MTHFD1L: variants seen among roughly 807,000 people sequenced by gnomAD.
The protein encoded by MTHFD1L is methylenetetrahydrofolate dehydrogenase (NADP+ dependent) 1 like.
Under a neutral mutation model 119.5 loss-of-function variants are expected in MTHFD1L, and 81 were observed. The observed-to-expected ratio is 0.68, with a 90% CI of 0.57 to 0.82. The LOEUF (loss-of-function observed/expected upper bound fraction) is 0.82, where lower values mean the gene tolerates loss of function less well. Ranked by LOEUF, MTHFD1L falls within the 40% of genes least tolerant of loss-of-function variation. The pLI, the probability that MTHFD1L is intolerant of heterozygous loss-of-function variation, is 0.00. For missense variants in MTHFD1L, 1,125 were observed against 1,253.4 expected (o/e 0.90, Z 1.55); for synonymous variants, 430 against 475.2 (o/e 0.90, Z 1.24).
intron 16 of MTHFD1L, among the ~76,000 whole-genome samples, chr6:150,954,044 A>ATC (rs1216923224): frequency 1.4e-4 from 21 of 152,170 alleles, no homozygotes; most frequent in African/African-American, 5.1e-4. Flanking sequence ...TCTGAGAGAG[A>ATC]GGGAGCTTGT....
At chr6:150,870,505 A>G (rs1779214040) in intron 1 of MTHFD1L, among the ~76,000 whole-genome samples, 1 of 152,184 alleles carries the variant, frequency 6.6e-6, no homozygotes, top group African/African-American at 2.4e-5. Context: ...AATAAGGGGA[A>G]TATCGCAGTA....
At chr6:150,872,191 CT>C (rs1779665158) in intron 1 of MTHFD1L, among the ~76,000 whole-genome samples, 1 of 152,006 alleles carries the variant, frequency 6.6e-6, no homozygotes, top group Admixed American at 6.6e-5. Context: ...AGGCTGTTTT[CT>C]TATCATTTGT....
At chr6:150,881,509 G>A (rs1333450106) in intron 4 of MTHFD1L, among the ~76,000 whole-genome samples, 1 of 152,126 alleles carries the variant, frequency 6.6e-6, no homozygotes, top group Non-Finnish European at 1.5e-5. Flanking sequence ...ATTTGTGTTG[G>A]CATTTGTTGC....
At chr6:150,969,031 T>C (rs184864755) in intron 19 of MTHFD1L, among the ~76,000 whole-genome samples, 2,011 of 151,844 alleles carry the variant, frequency 0.013, 21 homozygotes, top group South Asian at 0.035. Context: ...GTATTTTTAG[T>C]AGAGACAGGG....
At chr6:150,979,046 C>G (rs896389010) in intron 20 of MTHFD1L, among the ~76,000 whole-genome samples, 2 of 152,136 alleles carry the variant, frequency 1.3e-5, no homozygotes, top group African/African-American at 4.8e-5. Flanking sequence ...TCGAGACTAG[C>G]CTGACCAACA....
At chr6:150,880,280 C>T (rs944729227) in intron 4 of MTHFD1L, among the ~76,000 whole-genome samples, 6 of 152,168 alleles carry the variant, frequency 3.9e-5, no homozygotes, top group African/African-American at 7.2e-5. Flanking sequence ...TCTCCAGCCT[C>T]TGGTAACCAC....
chr6:150,997,807 T>TA (rs1780013676), intron 20 of MTHFD1L, among the ~76,000 whole-genome samples: 1 of 152,136 alleles, frequency 6.6e-6, no homozygotes, highest in African/African-American at 2.4e-5. Context: ...CACTGACTAA[T>TA]AACACCAGCA....
chr6:150,928,472 A>T (rs909861090), intron 11 of MTHFD1L, among the ~76,000 whole-genome samples: 2 of 147,706 alleles, frequency 1.4e-5, no homozygotes, highest in Non-Finnish European at 3.0e-5. Flanking sequence ...CTCTTTAATG[A>T]TATAGTGATT....
intron 24 of MTHFD1L, among the ~76,000 whole-genome samples, chr6:151,024,036 G>A (rs182751417): frequency 2.0e-5 from 3 of 151,986 alleles, no homozygotes; most frequent in Admixed American, 1.3e-4. Context: ...CGATCTTAGG[G>A]TTTAGGGGAA....
At chr6:151,050,659 A>G (rs997688720) in intron 26 of MTHFD1L, among the ~76,000 whole-genome samples, 1 of 152,022 alleles carries the variant, frequency 6.6e-6, no homozygotes, top group Non-Finnish European at 1.5e-5. Flanking sequence ...ATCTGACACT[A>G]TCTCTGGGTA....
rs914055347 is a variant in MTHFD1L at position 150,866,335 on chromosome 6, G to T, written c.227+286G>T. The stretch of plus-strand genomic sequence containing the variant: ...GCATGGACCGCACGCCCGGCTCCAC[G>T]TGCGCAGCCGGCCGCCGGCTCTGAT... On this transcript the variant is annotated intron_variant, in intron 1 of 27. Coordinates refer to ENST00000367321, the MANE Select transcript of MTHFD1L (RefSeq NM_015440.5). 6.2e-6 allele frequency: 9 copies of T among 1,450,156 alleles called. No homozygotes were observed. The South Asian group carries it at 1.1e-4, about 17-fold the overall frequency. The allele number at this position is 1,450,156 out of a possible 1,614,324, so 89.8% of individuals were successfully genotyped here.
chr6:150,885,755 T>C lies in MTHFD1L; in HGVS notation c.643+21T>C, dbSNP rs76740945. 1,463 of 1,542,550 alleles carry C rather than the reference T, an allele frequency of 9.5e-4. 10 individuals carry two copies. In the African/African-American group the frequency reaches 0.018, roughly 19 times the overall value. Reference sequence around the variant, plus strand: ...ATCAGGTAGGATGCTCCTTGAGAAATGCCGCTGATTTCTATTTATTGGTAT... The same window carrying C: ...ATCAGGTAGGATGCTCCTTGAGAAACGCCGCTGATTTCTATTTATTGGTAT... On this transcript the variant is annotated intron_variant, in intron 6 of 27. Transcript: ENST00000367321.
In MTHFD1L at chr6:151,019,953, AC is replaced by A. The variant is rs570607213; in HGVS notation, c.2586+4264del. On this transcript the variant is annotated intron_variant, in intron 24 of 27. Transcript: ENST00000367321. ...GGAAGCCCTTTTTACCTCCCCTACA[AC>A]CCCACACCCTCACAACCAACCCTTG... 1.4e-4 allele frequency among the ~76,000 whole-genome samples: 22 copies of A among 152,240 alleles called. 1 individual carries two copies. In the South Asian group the frequency reaches 4.4e-3, roughly 30 times the overall value.
At chr6:150,883,245 A>T (rs968811672) in intron 5 of MTHFD1L, among the ~76,000 whole-genome samples, 21 of 152,022 alleles carry the variant, frequency 1.4e-4, no homozygotes, top group Admixed American at 3.9e-4. Flanking sequence ...GTTGGCCAGG[A>T]TGGTGTCTAT....
At chr6:150,910,598 A>G (rs1786721254) in intron 8 of MTHFD1L, among the ~76,000 whole-genome samples, 1 of 152,054 alleles carries the variant, frequency 6.6e-6, no homozygotes, top group East Asian at 1.9e-4. Context: ...TTGCACTTAC[A>G]GGCTGTGTGA....
At chr6:151,046,293 G>A (rs1158585758) in intron 26 of MTHFD1L, among the ~76,000 whole-genome samples, 4 of 151,416 alleles carry the variant, frequency 2.6e-5, no homozygotes, top group African/African-American at 9.7e-5. Context: ...GAAAAATGGT[G>A]TTTCTCTTCA....
chr6:150,910,574 A>T (rs907506645), intron 8 of MTHFD1L, among the ~76,000 whole-genome samples: 3 of 152,126 alleles, frequency 2.0e-5, no homozygotes, highest in African/African-American at 7.2e-5. Context: ...AAAAAAAAGA[A>T]ATTCTTAATT....
At chr6:151,071,503 T>G (rs1164154981) in intron 26 of MTHFD1L, among the ~76,000 whole-genome samples, 1 of 152,024 alleles carries the variant, frequency 6.6e-6, no homozygotes, top group South Asian at 2.1e-4. Flanking sequence ...GAATGTGCCA[T>G]CATAGGAAGC....
At chr6:150,981,961 C>T (rs1777564359) in intron 20 of MTHFD1L, among the ~76,000 whole-genome samples, 2 of 152,040 alleles carry the variant, frequency 1.3e-5, no homozygotes, top group Admixed American at 6.6e-5. Context: ...GTGGCACATG[C>T]CTGTAGTTCC....
Sources: allele counts gnomAD v4.1 joint callset (sites outside exome capture counted in the v4.1 genomes callset), GRCh38; gene constraint gnomAD v4.1.1; transcripts MANE v1.5; gene names NCBI Gene and HGNC (gene_info 2026-07-23, HGNC 2026-07-21).